PTPRM: variants seen among roughly 807,000 people sequenced by gnomAD.
The protein encoded by PTPRM is protein tyrosine phosphatase receptor type M, also known as receptor-type tyrosine-protein phosphatase mu.
A neutral mutation model predicts 186.7 loss-of-function variants in PTPRM; 47 were observed. That is an observed-to-expected ratio of 0.25 (90% CI 0.20 to 0.32). The LOEUF (loss-of-function observed/expected upper bound fraction) is 0.32. Ranked by LOEUF, PTPRM falls within the 10% of genes least tolerant of loss-of-function variation. The probability of loss-of-function intolerance (pLI) is 1.00; values close to 1 mark genes in which losing one functional copy is unlikely to be tolerated. For synonymous variants in PTPRM, 668 were observed against 674.9 expected, an observed-to-expected ratio of 0.99 and a Z score of 0.16; for missense variants, 1,494 against 1,865.0, an observed-to-expected ratio of 0.80 and a Z score of 3.66.
At position 8,376,865 on chromosome 18, in the gene PTPRM, C is replaced by A. The variant is rs2095699523; in HGVS notation, c.3462+268C>A. The A allele has an allele frequency of 2.6e-5, 10 of 377,878 alleles. No homozygotes were observed. In the East Asian group the frequency reaches 5.3e-4, roughly 20 times the overall value. The allele number at this position is 377,878 out of a possible 1,614,324, so 23.4% of individuals were successfully genotyped here. ...TCTGTATTAAGGGACCCAAAAAAGT[C>A]TCTGTTAAGTGCTCAGACTTTCAAT... On this transcript the variant is annotated intron_variant, in intron 26 of 32. Transcript: ENST00000580170.
chr18:7,627,669 GCA>G (rs2038093547), intron 1 of PTPRM, among the ~76,000 whole-genome samples: 1 of 152,188 alleles, frequency 6.6e-6, no homozygotes, highest in Non-Finnish European at 1.5e-5. Flanking sequence ...AATTCGGCGG[GCA>G]CCAGAGGCAT....
intron 14 of PTPRM, among the ~76,000 whole-genome samples, chr18:8,196,636 A>G (rs889532522): frequency 2.5e-4 from 38 of 152,242 alleles, no homozygotes; most frequent in Non-Finnish European, 8.8e-5. Flanking sequence ...ACACGAAGTC[A>G]GTTAAGGAAG....
At chr18:7,885,113 T>C (rs2048719799) in intron 2 of PTPRM, among the ~76,000 whole-genome samples, 2 of 151,864 alleles carry the variant, frequency 1.3e-5, no homozygotes, top group Admixed American at 1.3e-4. Context: ...CATGAGACCA[T>C]CCTTGGCCCT....
chr18:8,234,309 A>G (rs372566725), intron 14 of PTPRM, among the ~76,000 whole-genome samples: 14 of 152,234 alleles, frequency 9.2e-5, no homozygotes, highest in East Asian at 5.8e-4. Flanking sequence ...TATTTGTTAG[A>G]TTTATGCCTA....
chr18:7,570,844 C>T (rs746554118), intron 1 of PTPRM, among the ~76,000 whole-genome samples: 4 of 151,990 alleles, frequency 2.6e-5, no homozygotes, highest in Admixed American at 2.0e-4. Context: ...TACCAGACAT[C>T]AGAAATAGAA....
chr18:7,630,438 C>T (rs1234096375), intron 1 of PTPRM, among the ~76,000 whole-genome samples: 1 of 152,118 alleles, frequency 6.6e-6, no homozygotes, highest in Non-Finnish European at 1.5e-5. Flanking sequence ...ACACTGGAGG[C>T]TGCAGGGAGT....
rs552165495 is a variant in PTPRM, at chr18:7,843,032, A to G, written c.197-45074A>G. 6.0e-5 allele frequency among the ~76,000 whole-genome samples: 9 copies of G among 150,110 alleles called. No individual in the cohort carries two copies. In the South Asian group the frequency reaches 1.3e-3, roughly 21 times the overall value. Reference sequence around the variant, plus strand: ...TTCATGTAGTGCCTTTATGTTTCTCATATATCTACTATTGATTCTGTTCCT... The same window carrying G: ...TTCATGTAGTGCCTTTATGTTTCTCGTATATCTACTATTGATTCTGTTCCT... On this transcript the variant is annotated intron_variant, in intron 2 of 32. Coordinates refer to ENST00000580170, the MANE Select transcript of PTPRM (RefSeq NM_001105244.2).
rs1344403993 is a variant in PTPRM, at chr18:7,926,691, A to G, written c.663+8A>G. 6.9e-6 allele frequency: 11 copies of G among 1,603,374 alleles called. No homozygotes were observed. The highest frequency in any genetic ancestry group is 1.3e-5 in the African/African-American group (1 of 74,486). ...GACAGGCTCTGGTTACAGGTACAGT[A>G]ACTCATTTTCATCAGTTGATGAGAG... On this transcript the variant is annotated splice_region_variant and intron_variant, in intron 5 of 32. Transcript: ENST00000580170.
At chr18:8,313,815 C>T (rs1390213853) in intron 20 of PTPRM, among the ~76,000 whole-genome samples, 1 of 151,954 alleles carries the variant, frequency 6.6e-6, no homozygotes, top group Admixed American at 6.6e-5. Context: ...TAGCTTAGCT[C>T]CCATTTATGA....
chr18:8,121,718 C>T (rs542437904), intron 13 of PTPRM: 3 of 152,250 alleles, frequency 2.0e-5, no homozygotes, highest in African/African-American at 7.2e-5. Flanking sequence ...AATTTTTCTA[C>T]ATAAAAACGT....
chr18:7,720,769 T>C (rs577014853), intron 1 of PTPRM, among the ~76,000 whole-genome samples: 40 of 152,330 alleles, frequency 2.6e-4, no homozygotes, highest in African/African-American at 9.4e-4. Flanking sequence ...CTTAGGGTAA[T>C]GTCCTTAAGG....
chr18:8,252,759 A>G (rs1270123735), intron 18 of PTPRM, among the ~76,000 whole-genome samples: 2 of 152,210 alleles, frequency 1.3e-5, no homozygotes, highest in Non-Finnish European at 2.9e-5. Context: ...GATTTCATGT[A>G]TTAAGTCCCC....
chr18:7,705,410 A>G (rs1286363912), intron 1 of PTPRM, among the ~76,000 whole-genome samples: 1 of 149,282 alleles, frequency 6.7e-6, no homozygotes, highest in East Asian at 2.0e-4. Flanking sequence ...TTTCTCTTTC[A>G]AAGTTTTAAT....
At chr18:7,585,625 TC>T (rs2036960183) in intron 1 of PTPRM, among the ~76,000 whole-genome samples, 1 of 152,174 alleles carries the variant, frequency 6.6e-6, no homozygotes, top group African/African-American at 2.4e-5. Flanking sequence ...TCTTTTTTTT[TC>T]CTCTTCTTCT....
intron 13 of PTPRM, among the ~76,000 whole-genome samples, chr18:8,124,504 T>G (rs188418529): frequency 6.6e-6 from 1 of 152,322 alleles, no homozygotes; most frequent in Admixed American, 6.5e-5. Context: ...TCAGGAGTTT[T>G]ACTTTGTATG....
chr18:7,720,624 T>G (rs1296873279), intron 1 of PTPRM, among the ~76,000 whole-genome samples: 1 of 152,136 alleles, frequency 6.6e-6, no homozygotes, highest in African/African-American at 2.4e-5. Context: ...ACCCATTAAC[T>G]AACTCCCAGC....
At chr18:7,872,124 T>C (rs1011393990) in intron 2 of PTPRM, among the ~76,000 whole-genome samples, 1 of 152,190 alleles carries the variant, frequency 6.6e-6, no homozygotes, top group Non-Finnish European at 1.5e-5. Flanking sequence ...CAAATTACTG[T>C]TTCTGCTTTT....
At chr18:7,606,087 A>G (rs537985704) in intron 1 of PTPRM, among the ~76,000 whole-genome samples, 1 of 151,864 alleles carries the variant, frequency 6.6e-6, no homozygotes, top group Non-Finnish European at 1.5e-5. Context: ...GCTGCTCAGC[A>G]CTTTGCTACC....
intron 9 of PTPRM, among the ~76,000 whole-genome samples, chr18:8,077,982 A>C (rs1374697470): frequency 6.6e-6 from 1 of 152,230 alleles, no homozygotes; most frequent in Middle Eastern, 3.2e-3. Flanking sequence ...TTGAACACTG[A>C]TCTAAATACT....
Sources: gnomAD v4.1 joint callset for allele counts (sites outside exome capture counted in the v4.1 genomes callset) on GRCh38, gnomAD v4.1.1 for gene constraint, MANE v1.5 for transcripts, NCBI Gene and HGNC (gene_info 2026-07-23, HGNC 2026-07-21) for gene names.